Variants in INO80 observed in about 807,000 individuals in gnomAD.
INO80 encodes INO80 complex ATPase subunit, also known as chromatin-remodeling ATPase INO80.
Under a neutral mutation model 203.4 loss-of-function variants are expected in INO80, and 20 were observed. That is an observed-to-expected ratio of 0.10 (90% CI 0.07 to 0.14). The LOEUF is 0.14. Among genes scored for constraint, INO80 ranks in the 10% least tolerant of loss-of-function variants. The pLI is 1.00. For missense variants in INO80, 1,419 were observed against 1,914.4 expected, an observed-to-expected ratio of 0.74 and a Z score of 4.83; for synonymous variants, 726 against 685.2, an observed-to-expected ratio of 1.06 and a Z score of -0.93.
chr15:41,102,239 GC>G (rs2045820838), intron 1 of INO80, among the ~76,000 whole-genome samples: 1 of 152,142 alleles, frequency 6.6e-6, no homozygotes, highest in Admixed American at 6.6e-5. Context: ...ATGGGTTCAT[GC>G]CCATGCATTT....
intron 1 of INO80, among the ~76,000 whole-genome samples, chr15:41,109,484 T>C (rs976650012): frequency 6.6e-6 from 1 of 150,440 alleles, no homozygotes; most frequent in African/African-American, 2.5e-5. Flanking sequence ...CACTGCCGTA[T>C]TTATTACAAA....
chr15:41,014,332 C>G (rs1239885275), intron 27 of INO80, among the ~76,000 whole-genome samples: 1 of 152,172 alleles, frequency 6.6e-6, no homozygotes, highest in Admixed American at 6.5e-5. Flanking sequence ...CTGAAGATCA[C>G]TACTTTAGCT....
chr15:41,102,952 A>C (rs188245237), intron 1 of INO80, among the ~76,000 whole-genome samples: 7 of 152,272 alleles, frequency 4.6e-5, no homozygotes, highest in Admixed American at 2.6e-4. Flanking sequence ...CAGGAATTCA[A>C]TTAACACTGC....
chr15:41,081,052 C>A lies in INO80; in HGVS notation c.895G>T (p.Ala299Ser). 6.3e-7 allele frequency: 1 copy of A among 1,599,502 alleles called. No homozygotes were observed. Among genetic ancestry groups the A allele is most frequent in the Non-Finnish European group, 8.6e-7 (1 of 1,167,336 alleles). ...CTATTGGTGAGAAACAGGTTACGAG[C>A]TGAAGCTTTCTGCTTATTTGCCTAA... ...LPKANKQKAS[A>S]RNLFLTNSRK... Residue 299 changes from alanine (A) to serine (S), a missense_variant, in exon 8 of 36, where the codon GCT (alanine) becomes TCT (serine). Coordinates refer to ENST00000648947, the MANE Select transcript of INO80 (RefSeq NM_017553.3).
chr15:41,004,772 T>C (rs559594025), intron 28 of INO80: 7 of 152,300 alleles, frequency 4.6e-5, no homozygotes, highest in East Asian at 1.9e-4. Context: ...TTGTACAGTA[T>C]TGCAATTTGT....
chr15:41,046,206 CATATATATATAT>C lies in INO80; in HGVS notation c.2736-1143_2736-1132del, dbSNP rs1160486459. Among the ~76,000 whole-genome samples the C allele has an allele frequency of 8.3e-4, 12 of 14,426 alleles. 1 individual carries two copies. Among genetic ancestry groups the C allele is most frequent in the African/African-American group, 2.7e-3 (12 of 4,398 alleles). The allele number at this position is 14,426 out of a possible 152,430, so 9.5% of individuals were successfully genotyped here. On this transcript the variant is annotated intron_variant, in intron 23 of 35. Coordinates refer to ENST00000648947, the MANE Select transcript of INO80 (RefSeq NM_017553.3). Reference sequence around the variant, plus strand: ...GTGTGTCTCTGTGTGCGTATACATACATATATATATATATATATATATATATATATATATATA... The same window carrying C: ...GTGTGTCTCTGTGTGCGTATACATACATATATATATATATATATATATATA...
intron 24 of INO80, among the ~76,000 whole-genome samples, chr15:41,041,834 CTTT>C (rs35077430): frequency 9.7e-5 from 12 of 123,712 alleles, no homozygotes; most frequent in Admixed American, 1.8e-4. Flanking sequence ...GAAAGATTTC[CTTT>C]TTTTTTTTTT....
chr15:41,105,115 G>C (rs1953857987), intron 1 of INO80, among the ~76,000 whole-genome samples: 1 of 152,122 alleles, frequency 6.6e-6, no homozygotes, highest in Non-Finnish European at 1.5e-5. Flanking sequence ...AGATATTTAA[G>C]TCAGTCATAT....
intron 24 of INO80, among the ~76,000 whole-genome samples, chr15:41,042,015 A>ATT (rs59485772): frequency 0.014 from 1,927 of 133,920 alleles, 22 homozygotes; most frequent in Non-Finnish European, 0.02. Context: ...TTAATTTTTA[A>ATT]TTTTTTTTTT....
In INO80 at chr15:41,095,581, C is replaced by T. The variant is rs1424303460; in HGVS notation, c.381+20G>A. 1.9e-6 allele frequency: 3 copies of T among 1,575,132 alleles called. No homozygotes were observed. Among genetic ancestry groups the T allele is most frequent in the Non-Finnish European group, 2.6e-6 (3 of 1,146,286 alleles). On this transcript the variant is annotated intron_variant, in intron 4 of 35. Coordinates refer to ENST00000648947, the MANE Select transcript of INO80 (RefSeq NM_017553.3). ...TTTAGTAGACTATCTGCACTGTAAA[C>T]ACCCTGCTTTATCTCTTACCTTTAG...
intron 11 of INO80, 28 bp from the exon 12 acceptor site, chr15:41,072,086 A>G (rs751817906): frequency 6.1e-5 from 52 of 858,432 alleles, no homozygotes; most frequent in Non-Finnish European, 7.8e-5. Flanking sequence ...AAAAAATTAG[A>G]AAAAAAAAAA....
In INO80 at chr15:40,979,707, AATG is replaced by A. The variant is rs2140400349; in HGVS notation, c.*513_*515del. ...ATCTCTCGCAGTCACTGCTCTCTCCAATGATGACACTCTGGGGTTCAGAGACCT... is the reference window on the plus strand; with the variant it reads ...ATCTCTCGCAGTCACTGCTCTCTCCAATGACACTCTGGGGTTCAGAGACCT... On this transcript the variant is annotated 3_prime_UTR_variant, in exon 36 of 36. Transcript: ENST00000648947. 1 of 168,826 alleles carries A rather than the reference AATG, an allele frequency of 5.9e-6. No homozygotes were observed. Among genetic ancestry groups the A allele is most frequent in the South Asian group, 1.5e-4 (1 of 6,616 alleles). The allele number at this position is 168,826 out of a possible 1,614,324, so 10.5% of individuals were successfully genotyped here. A position where few individuals can be genotyped will look rare whatever the true frequency, so the allele number is the denominator to read the frequency against.
rs149504721 is a variant in INO80, at chr15:41,107,839, C to A, written c.-44+8134G>T. ...TAAATAGGCCGGGCATGGTGGCTCA[C>A]GCCTGTAATGCCAGCACTTTGGGAG... On this transcript the variant is annotated intron_variant, in intron 1 of 35. Coordinates refer to ENST00000648947, the MANE Select transcript of INO80 (RefSeq NM_017553.3). Among the ~76,000 whole-genome samples the A allele has an allele frequency of 8.6e-4, 126 of 146,418 alleles. 1 individual carries two copies. Among genetic ancestry groups the A allele is most frequent in the Non-Finnish European group, 1.5e-3 (102 of 66,490 alleles).
chr15:41,006,923 T>C (rs13329511), intron 27 of INO80, among the ~76,000 whole-genome samples: 46,860 of 152,074 alleles, frequency 0.31, 7,305 homozygotes, highest in Non-Finnish European at 0.34. Context: ...TGCTATATCG[T>C]AGGACTGAAC....
Position 41,099,608 on chromosome 15 carries a change from T to C in INO80, c.-43-3255A>G, listed in dbSNP as rs79130652. On this transcript the variant is annotated intron_variant, in intron 1 of 35. Coordinates refer to ENST00000648947, the MANE Select transcript of INO80 (RefSeq NM_017553.3). Reference sequence around the variant, plus strand: ...CCAGCCTGAGTAACATGGCGAGACCTTGTCTCTACAAAAAAATTTAAAAAT... The same window carrying C: ...CCAGCCTGAGTAACATGGCGAGACCCTGTCTCTACAAAAAAATTTAAAAAT... 7.2e-3 allele frequency among the ~76,000 whole-genome samples: 1,093 copies of C among 151,940 alleles called. 91 individuals are homozygous for C. The East Asian group carries it at 0.18, about 24-fold the overall frequency.
chr15:41,102,890 A>G (rs540992435), intron 1 of INO80, among the ~76,000 whole-genome samples: 3 of 152,328 alleles, frequency 2.0e-5, no homozygotes, highest in Non-Finnish European at 4.4e-5. Context: ...AATGCGGAGT[A>G]CACCAAAGTT....
Position 41,043,194 on chromosome 15 carries a change from C to T in INO80, c.2907+1710G>A, listed in dbSNP as rs151166004. On this transcript the variant is annotated intron_variant, in intron 24 of 35. Coordinates refer to ENST00000648947, the MANE Select transcript of INO80 (RefSeq NM_017553.3). ...CATATCTCTAGCGTTAAGAAAAATG[C>T]AGGTGTCCATATAACAGGGAACAAC... is the stretch of plus-strand genomic sequence containing the variant. 5.3e-5 allele frequency among the ~76,000 whole-genome samples: 8 copies of T among 152,238 alleles called. No homozygotes were observed. The East Asian group carries it at 1.5e-3, about 29-fold the overall frequency.
intron 7 of INO80, 68 bp from the exon 8 acceptor site, chr15:41,081,141 A>G: frequency 1.0e-6 from 1 of 978,638 alleles, no homozygotes; most frequent in Non-Finnish European, 1.6e-6. Flanking sequence ...TAGAATGAAC[A>G]GTCTTTTACT....
chr15:41,064,911 T>C (rs2045182414), intron 14 of INO80, among the ~76,000 whole-genome samples: 1 of 151,964 alleles, frequency 6.6e-6, no homozygotes, highest in Admixed American at 6.6e-5. Flanking sequence ...GCAGAAGAAC[T>C]GCTTGAACCC....
Sources: allele counts gnomAD v4.1 joint callset (sites outside exome capture counted in the v4.1 genomes callset), GRCh38; gene constraint gnomAD v4.1.1; transcripts MANE v1.5; gene names NCBI Gene and HGNC (gene_info 2026-07-23, HGNC 2026-07-21).